Variants in SLC25A21 observed in about 807,000 individuals in gnomAD.
SLC25A21 encodes mitochondrial 2-oxodicarboxylate carrier.
Under a neutral mutation model 43.8 loss-of-function variants are expected in SLC25A21, and 47 were observed. That is an observed-to-expected ratio of 1.07 (90% CI 0.85 to 1.37). The LOEUF is 1.37. SLC25A21 is among the 40% of genes most tolerant of loss of function. The pLI, the probability that SLC25A21 is intolerant of heterozygous loss-of-function variation, is 0.00. For missense variants in SLC25A21, 352 were observed against 350.2 expected (o/e 1.00, Z -0.04); for synonymous variants, 131 against 121.3 (o/e 1.08, Z -0.52).
chr14:37,073,824 C>A (rs772482850), intron 1 of SLC25A21, among the ~76,000 whole-genome samples: 2 of 152,120 alleles, frequency 1.3e-5, no homozygotes, highest in African/African-American at 4.8e-5. Context: ...CTCCTGCGAT[C>A]CCACTGCTCC....
intron 1 of SLC25A21, among the ~76,000 whole-genome samples, chr14:37,034,652 G>A (rs750754587): frequency 9.9e-5 from 15 of 152,218 alleles, no homozygotes; most frequent in Middle Eastern, 3.4e-3. Flanking sequence ...AAACACCCGC[G>A]TGCATCCACC....
chr14:36,792,731 C>T (rs1251457091), intron 3 of SLC25A21, among the ~76,000 whole-genome samples: 1 of 152,154 alleles, frequency 6.6e-6, no homozygotes, highest in African/African-American at 2.4e-5. Context: ...TTTAATCCAT[C>T]AGCTAAAAAA....
intron 1 of SLC25A21, among the ~76,000 whole-genome samples, chr14:37,109,218 C>A (rs1408945288): frequency 6.6e-6 from 1 of 152,046 alleles, no homozygotes; most frequent in Non-Finnish European, 1.5e-5. Flanking sequence ...ATAAATGCAT[C>A]AGACTGAAAC....
At chr14:36,893,636 G>A (rs995431569) in intron 1 of SLC25A21, among the ~76,000 whole-genome samples, 5 of 152,146 alleles carry the variant, frequency 3.3e-5, no homozygotes, top group African/African-American at 1.2e-4. Context: ...TGTCCTGAAT[G>A]GTAATGCCTA....
At chr14:36,983,597 A>G (rs575436124) in intron 1 of SLC25A21, among the ~76,000 whole-genome samples, 3 of 152,340 alleles carry the variant, frequency 2.0e-5, no homozygotes, top group African/African-American at 7.2e-5. Flanking sequence ...CAAAGTACTA[A>G]AACAGAACTA....
intron 1 of SLC25A21, among the ~76,000 whole-genome samples, chr14:37,052,403 C>T (rs910294832): frequency 2.0e-5 from 3 of 152,156 alleles, no homozygotes; most frequent in Non-Finnish European, 4.4e-5. Context: ...CCCACTGACT[C>T]TTAAGGGAAG....
intron 1 of SLC25A21, among the ~76,000 whole-genome samples, chr14:37,133,483 CTTAAG>C (rs1963426214): frequency 6.6e-6 from 1 of 151,990 alleles, no homozygotes; most frequent in South Asian, 2.1e-4. Flanking sequence ...ACTGCCCTAA[CTTAAG>C]TTTTCATCTA....
At chr14:36,918,671 T>C (rs1891895768) in intron 1 of SLC25A21, among the ~76,000 whole-genome samples, 1 of 152,180 alleles carries the variant, frequency 6.6e-6, no homozygotes, top group East Asian at 1.9e-4. Flanking sequence ...TTCAATTTAA[T>C]ACAAACAAAT....
chr14:36,681,263 G>A (rs997029128), intron 9 of SLC25A21, among the ~76,000 whole-genome samples: 2 of 152,188 alleles, frequency 1.3e-5, no homozygotes, highest in Non-Finnish European at 2.9e-5. Flanking sequence ...CTAACAAAAG[G>A]AGGTTGAAAG....
At chr14:37,115,175 T>C (rs970672849) in intron 1 of SLC25A21, among the ~76,000 whole-genome samples, 1 of 152,144 alleles carries the variant, frequency 6.6e-6, no homozygotes, top group Non-Finnish European at 1.5e-5. Context: ...CGGGGATATA[T>C]CCTACAAGCC....
chr14:37,134,418 T>C (rs930537105), intron 1 of SLC25A21, among the ~76,000 whole-genome samples: 3 of 152,136 alleles, frequency 2.0e-5, no homozygotes, highest in African/African-American at 7.2e-5. Context: ...AAATCAAGTA[T>C]CCTGACACTC....
At chr14:36,981,405 A>G (rs7142764) in intron 1 of SLC25A21, among the ~76,000 whole-genome samples, 27,249 of 152,252 alleles carry the variant, frequency 0.18, 2,667 homozygotes, top group Middle Eastern at 0.22. Flanking sequence ...TTATTGCAGC[A>G]CTATTCACAA....
At chr14:37,119,677 C>A (rs1449956229) in intron 1 of SLC25A21, among the ~76,000 whole-genome samples, 6 of 152,326 alleles carry the variant, frequency 3.9e-5, no homozygotes, top group African/African-American at 1.4e-4. Flanking sequence ...AATAAACTTG[C>A]TTTCACTTTA....
At chr14:36,819,136 A>G (rs1350781715) in intron 2 of SLC25A21, among the ~76,000 whole-genome samples, 1 of 152,158 alleles carries the variant, frequency 6.6e-6, no homozygotes, top group Non-Finnish European at 1.5e-5. Context: ...ATCACACACA[A>G]CAGAAAGGAA....
At chr14:36,910,665 C>T (rs2138611139) in intron 1 of SLC25A21, among the ~76,000 whole-genome samples, 1 of 152,302 alleles carries the variant, frequency 6.6e-6, no homozygotes, top group Non-Finnish European at 1.5e-5. Flanking sequence ...TATGAGGTAT[C>T]TCTAAAGATT....
intron 1 of SLC25A21, among the ~76,000 whole-genome samples, chr14:36,919,716 G>T (rs1360351804): frequency 1.3e-5 from 2 of 151,582 alleles, no homozygotes; most frequent in South Asian, 4.2e-4. Context: ...TGAAGTTTTG[G>T]GTAATTACTC....
At chr14:37,095,942 A>T (rs1382502139) in intron 1 of SLC25A21, among the ~76,000 whole-genome samples, 2 of 152,152 alleles carry the variant, frequency 1.3e-5, no homozygotes, top group African/African-American at 4.8e-5. Flanking sequence ...AGAACACATC[A>T]CTTATGTATG....
chr14:36,949,985 A>G (rs983210882), intron 1 of SLC25A21, among the ~76,000 whole-genome samples: 2 of 152,142 alleles, frequency 1.3e-5, no homozygotes, highest in African/African-American at 4.8e-5. Flanking sequence ...CATATCAGAG[A>G]CTTTATAACG....
At chr14:36,841,019 ATTAT>A (rs1181726527) in intron 2 of SLC25A21, among the ~76,000 whole-genome samples, 1 of 152,212 alleles carries the variant, frequency 6.6e-6, no homozygotes, top group Non-Finnish European at 1.5e-5. Context: ...ATAAATGTTA[ATTAT>A]TTTTCTTTTT....
Sources: allele counts gnomAD v4.1 joint callset (sites outside exome capture counted in the v4.1 genomes callset), GRCh38; gene constraint gnomAD v4.1.1; transcripts MANE v1.5; gene names NCBI Gene and HGNC (gene_info 2026-07-23, HGNC 2026-07-21).